VIP: variants seen among roughly 807,000 people sequenced by gnomAD.
VIP encodes the protein vasoactive intestinal peptide, also known as VIP peptides.
VIP carries 18 observed loss-of-function variants against 20.1 expected under a neutral mutation model. The ratio of observed to expected loss-of-function variants is 0.90; its 90% CI spans 0.62 to 1.33. VIP has a LOEUF of 1.33. Among genes scored for constraint, VIP ranks in the 40% most tolerant of loss-of-function variants. The pLI, the probability that VIP is intolerant of heterozygous loss-of-function variation, is 0.00. For missense variants in VIP, 209 were observed against 199.4 expected (o/e 1.05, Z -0.29); for synonymous variants, 70 against 68.1 (o/e 1.03, Z -0.14).
At position 152,759,597 on chromosome 6, in the gene VIP, ACACT is replaced by A. The variant is rs1048741386; in HGVS notation, c.*734_*737del. On this transcript the variant is annotated 3_prime_UTR_variant, in exon 7 of 7. Coordinates refer to ENST00000367244, the MANE Select transcript of VIP (RefSeq NM_003381.4). The stretch of plus-strand genomic sequence containing the variant: ...ATGTGTAAAATGTGAAGTGAATGAA[ACACT>A]CAGTTGTTCAATAATAAATATTTTT... The A allele has an allele frequency of 1.1e-4, 17 of 151,926 alleles. No individual in the cohort carries two copies. Among genetic ancestry groups the A allele is most frequent in the African/African-American group, 3.6e-4 (15 of 41,390 alleles). The allele number at this position is 151,926 out of a possible 1,614,324, so 9.4% of individuals were successfully genotyped here.
chr6:152,758,289 T>G (rs1159280705), intron 6 of VIP, among the ~76,000 whole-genome samples: 1 of 151,956 alleles, frequency 6.6e-6, no homozygotes, highest in Non-Finnish European at 1.5e-5. Context: ...GTGGACATGG[T>G]GTCTGGGAAG....
At chr6:152,751,097 G>C (rs1347845804) in intron 1 of VIP, 138 bp downstream of exon 1, 1 of 152,146 alleles carries the variant, frequency 6.6e-6, no homozygotes, top group Admixed American at 6.6e-5. Flanking sequence ...AGTTTCTCAA[G>C]TCACCTGGTA....
rs920809494 is a variant in VIP at position 152,755,835 on chromosome 6, T to A, written c.336-299T>A. Among the ~76,000 whole-genome samples, 56 of 151,444 alleles carry A rather than the reference T, an allele frequency of 3.7e-4. 1 individual carries two copies. The highest frequency in any genetic ancestry group is 1.1e-3 in the African/African-American group (46 of 41,250). On this transcript the variant is annotated intron_variant, in intron 4 of 6. Coordinates refer to ENST00000367244, the MANE Select transcript of VIP (RefSeq NM_003381.4). ...ATGTTTTTTTTAAAAAAAAAAAAAA[T>A]TTCTCCCAATGGCAGAGCACAACTT...
intron 5 of VIP, among the ~76,000 whole-genome samples, 169 bp downstream of exon 5, chr6:152,756,434 T>A (rs1001339028): frequency 6.6e-5 from 10 of 151,832 alleles, no homozygotes; most frequent in Admixed American, 6.6e-4. Context: ...AATACAGATG[T>A]CTGGGCCTTC....
rs190006031 is a variant in VIP at position 152,752,250 on chromosome 6, G to C, written c.73G>C (p.Ala25Pro). Residue 25 changes from alanine (A) to proline (P), a missense_variant, in exon 2 of 7, where the codon GCA becomes CCA. Coordinates refer to ENST00000367244, the MANE Select transcript of VIP (RefSeq NM_003381.4). ...CAGTGTGCTCTTCTCACAGACTTCG[G>C]CATGGCCTCTTTACAGGGCACCTTC... ...LLSVLFSQTSAWPLYRAPSAL... is the reference protein window; with the variant it reads ...LLSVLFSQTSPWPLYRAPSAL... 1.9e-6 allele frequency: 3 copies of C among 1,613,316 alleles called. No individual in the cohort carries two copies. The highest frequency in any genetic ancestry group is 2.5e-6 in the Non-Finnish European group (3 of 1,179,654).
intron 2 of VIP, among the ~76,000 whole-genome samples, chr6:152,753,040 G>A (rs951859009): frequency 3.9e-5 from 6 of 151,974 alleles, no homozygotes; most frequent in Non-Finnish European, 7.4e-5. Context: ...ATAATAATTG[G>A]GTTGGTTTCC....
Position 152,752,154 on chromosome 6 carries a change from T to C in VIP, c.-10-14T>C, listed in dbSNP as rs767278316. 1 of 1,591,488 alleles carries C rather than the reference T, an allele frequency of 6.3e-7. No individual in the cohort carries two copies. The highest frequency in any genetic ancestry group is 1.3e-5 in the African/African-American group (1 of 74,444). On this transcript the variant is annotated splice_polypyrimidine_tract_variant and intron_variant, in intron 1 of 6. Transcript: ENST00000367244. Reference sequence around the variant, plus strand: ...TCTTTGGCTGGAAGAACTGAGGTGATTCTCTCTCTTTAGAGGCACAGAAAT... The same window carrying C: ...TCTTTGGCTGGAAGAACTGAGGTGACTCTCTCTCTTTAGAGGCACAGAAAT...
intron 6 of VIP, 134 bp from the exon 7 acceptor site, chr6:152,758,776 A>G (rs2099730791): frequency 6.6e-6 from 1 of 152,036 alleles, no homozygotes; most frequent in South Asian, 2.1e-4. Flanking sequence ...CCAGGACATG[A>G]TCCCCTGCCA....
intron 4 of VIP, among the ~76,000 whole-genome samples, chr6:152,755,822 A>T (rs555972040): frequency 1.4e-3 from 212 of 147,828 alleles, no homozygotes; most frequent in African/African-American, 4.0e-3. Flanking sequence ...GTTTTTTTTA[A>T]AAAAAAAAAA....
intron 2 of VIP, among the ~76,000 whole-genome samples, chr6:152,753,391 A>G (rs978743959): frequency 2.0e-5 from 3 of 152,136 alleles, no homozygotes; most frequent in Non-Finnish European, 4.4e-5. Context: ...CTGCACACAC[A>G]AAATTATAAG....
intron 2 of VIP, 101 bp downstream of exon 2, chr6:152,752,385 T>A: frequency 1.0e-6 from 1 of 955,714 alleles, no homozygotes; most frequent in Non-Finnish European, 1.5e-6. Flanking sequence ...AAATTATGTA[T>A]TATGTATTTA....
intron 6 of VIP, among the ~76,000 whole-genome samples, chr6:152,757,690 A>C (rs1232119557): frequency 6.6e-6 from 1 of 152,000 alleles, no homozygotes; most frequent in Non-Finnish European, 1.5e-5. Flanking sequence ...AAACATGGCA[A>C]ACTTCATAGA....
At chr6:152,756,088 A>G (rs748719797) in intron 4 of VIP, 46 bp from the exon 5 acceptor site, 28 of 1,457,494 alleles carry the variant, frequency 1.9e-5, no homozygotes, top group Non-Finnish European at 2.5e-5. Context: ...TGTATTTATC[A>G]TTTCTTGTGA....
At chr6:152,752,709 T>G (rs551711573) in intron 2 of VIP, among the ~76,000 whole-genome samples, 2 of 152,266 alleles carry the variant, frequency 1.3e-5, no homozygotes, top group South Asian at 4.1e-4. Context: ...GACTAGTAGT[T>G]GATTAGTGAA....
Position 152,754,161 on chromosome 6 carries a change from A to T in VIP, c.108-5A>T, listed in dbSNP as rs766037742. The T allele has an allele frequency of 1.2e-6, 2 of 1,608,052 alleles. No individual in the cohort carries two copies. The highest frequency in any genetic ancestry group is 1.7e-6 in the Non-Finnish European group (2 of 1,177,314). On this transcript the variant is annotated splice_region_variant and splice_polypyrimidine_tract_variant and intron_variant, in intron 2 of 6. Transcript: ENST00000367244. ...GTATTATTCTCGTGTAACTTTCCCC[A>T]TCAGGTTGGGTGACAGAATACCCTT...
At chr6:152,754,711 A>C (rs2099730147) in intron 3 of VIP, among the ~76,000 whole-genome samples, 1 of 152,008 alleles carries the variant, frequency 6.6e-6, no homozygotes, top group African/African-American at 2.4e-5. Context: ...GTAGCTCTAT[A>C]GTACTTGGTA....
chr6:152,755,984 G>A (rs989688295), intron 4 of VIP, 150 bp from the exon 5 acceptor site: 2 of 806,490 alleles, frequency 2.5e-6, no homozygotes, highest in Non-Finnish European at 3.5e-6. Context: ...TCATCCTTAG[G>A]TTTAGTTGTA....
At chr6:152,757,691 A>G (rs1565406284) in intron 6 of VIP, among the ~76,000 whole-genome samples, 1 of 151,958 alleles carries the variant, frequency 6.6e-6, no homozygotes, top group Non-Finnish European at 1.5e-5. Context: ...AACATGGCAA[A>G]CTTCATAGAG....
At chr6:152,753,399 AAG>A (rs2099729945) in intron 2 of VIP, among the ~76,000 whole-genome samples, 1 of 152,106 alleles carries the variant, frequency 6.6e-6, no homozygotes, top group Non-Finnish European at 1.5e-5. Flanking sequence ...ACAAAATTAT[AAG>A]AGTTGCCGGT....
Sources: gnomAD v4.1 joint callset for allele counts (sites outside exome capture counted in the v4.1 genomes callset) on GRCh38, gnomAD v4.1.1 for gene constraint, MANE v1.5 for transcripts, NCBI Gene and HGNC (gene_info 2026-07-23, HGNC 2026-07-21) for gene names.